The following NFKB1 variants were observed in gnomAD, a reference collection of about 807,000 sequenced individuals.
The protein encoded by NFKB1 is nuclear factor kappa B subunit 1, also known as nuclear factor NF-kappa-B p105 subunit.
Under a neutral mutation model 105.1 loss-of-function variants are expected in NFKB1, and 9 were observed. The observed-to-expected ratio is 0.09, with a 90% CI of 0.05 to 0.15. The LOEUF (loss-of-function observed/expected upper bound fraction) is 0.15. NFKB1 is among the 10% of genes least tolerant of loss of function. The probability of loss-of-function intolerance (pLI) is 1.00; values close to 1 mark genes in which losing one functional copy is unlikely to be tolerated. For missense variants in NFKB1, 830 were observed against 1,203.7 expected (o/e 0.69, Z 4.59); for synonymous variants, 440 against 442.2 (o/e 1.00, Z 0.06).
chr4:102,588,453 AT>A (rs1725896408), intron 11 of NFKB1, among the ~76,000 whole-genome samples: 3 of 152,070 alleles, frequency 2.0e-5, no homozygotes, highest in Admixed American at 6.6e-5. Flanking sequence ...GCAAAAAAAA[AT>A]AAAAAAAAAA....
intron 2 of NFKB1, 89 bp downstream of exon 2, chr4:102,525,646 G>A (rs1740861160): frequency 6.7e-6 from 8 of 1,202,986 alleles, no homozygotes; most frequent in Non-Finnish European, 9.4e-6. Flanking sequence ...TTAGCATTAG[G>A]AAAATTCTAA....
In NFKB1 at chr4:102,601,019, A is replaced by T. The variant is rs772681927; in HGVS notation, c.1752+10A>T. The T allele has an allele frequency of 2.0e-6, 3 of 1,477,016 alleles. No homozygotes were observed. In the East Asian group the frequency reaches 6.8e-5, roughly 33 times the overall value. 91.5% of individuals were successfully genotyped at this position (1,477,016 alleles called of 1,614,324 possible). Reference sequence around the variant, plus strand: ...AAATGATCTGTACCAGGTAAGCAGAAATCTCAAGAAAACAACTGAAGAAAA... The same window carrying T: ...AAATGATCTGTACCAGGTAAGCAGATATCTCAAGAAAACAACTGAAGAAAA... On this transcript the variant is annotated intron_variant, in intron 16 of 23. Coordinates refer to ENST00000226574, the MANE Select transcript of NFKB1 (RefSeq NM_003998.4).
chr4:102,612,085 T>G lies in NFKB1; in HGVS notation c.2394T>G (p.Phe798Leu). 6.2e-7 allele frequency: 1 copy of G among 1,614,112 alleles called. No individual in the cohort carries two copies. Among genetic ancestry groups the G allele is most frequent in the Middle Eastern group, 1.7e-4 (1 of 6,058 alleles). Reference sequence around the variant, plus strand: ...ATGGGAAACCATATGAGCCAGAGTTTACATCTGATGATTTACTAGCACAAG... The same window carrying G: ...ATGGGAAACCATATGAGCCAGAGTTGACATCTGATGATTTACTAGCACAAG... ...ILNGKPYEPE[F>L]TSDDLLAQGD... The change falls in exon 21 of 24, where the codon TTT (phenylalanine) becomes TTG (leucine). Residue 798 changes from phenylalanine (F) to leucine (L), a missense_variant. Coordinates refer to ENST00000226574, the MANE Select transcript of NFKB1 (RefSeq NM_003998.4).
At chr4:102,544,226 G>T (rs960707833) in intron 5 of NFKB1, among the ~76,000 whole-genome samples, 3 of 152,062 alleles carry the variant, frequency 2.0e-5, no homozygotes, top group Non-Finnish European at 4.4e-5. Flanking sequence ...TTAGCTTTTT[G>T]ATAGCAGCTA....
chr4:102,524,484 A>T (rs1192487272), intron 1 of NFKB1, among the ~76,000 whole-genome samples: 1 of 152,192 alleles, frequency 6.6e-6, no homozygotes, highest in Non-Finnish European at 1.5e-5. Context: ...CCTTTTTGGC[A>T]TCAGGGACCA....
chr4:102,542,205 G>T (rs146147170), intron 5 of NFKB1, among the ~76,000 whole-genome samples: 2 of 152,064 alleles, frequency 1.3e-5, no homozygotes, highest in East Asian at 1.9e-4. Flanking sequence ...ACCCTGTTTC[G>T]CATAGGTGTA....
chr4:102,519,567 T>C (rs1740434897), intron 1 of NFKB1, among the ~76,000 whole-genome samples: 2 of 152,036 alleles, frequency 1.3e-5, no homozygotes, highest in African/African-American at 4.8e-5. Flanking sequence ...GTGATTGCCT[T>C]GTGAATAACT....
chr4:102,566,862 T>TTA, intron 5 of NFKB1, 125 bp from the exon 6 acceptor site: 1 of 880,648 alleles, frequency 1.1e-6, no homozygotes, highest in East Asian at 2.7e-5. Context: ...AGGGCTGTAA[T>TTA]CATGTATATA....
At chr4:102,506,391 C>T (rs1739418179) in intron 1 of NFKB1, among the ~76,000 whole-genome samples, 1 of 152,112 alleles carries the variant, frequency 6.6e-6, no homozygotes, top group African/African-American at 2.4e-5. Context: ...TAGAATTAAA[C>T]ACCTATCACC....
At chr4:102,583,875 T>C (rs929296740) in intron 10 of NFKB1, among the ~76,000 whole-genome samples, 3 of 151,904 alleles carry the variant, frequency 2.0e-5, no homozygotes, top group Non-Finnish European at 4.4e-5. Flanking sequence ...TTTGATGAAA[T>C]ATCATGTAGT....
chr4:102,616,643 C>A lies in NFKB1; in HGVS notation c.*49C>A. On this transcript the variant is annotated 3_prime_UTR_variant, in exon 24 of 24. Transcript: ENST00000226574. ...TGTAAACCAAAGCCCTAAAATTCCA[C>A]TGCGTTGTCCACAAGACAGAAGCTG... 2 of 1,585,052 alleles carry A rather than the reference C, an allele frequency of 1.3e-6. No homozygotes were observed. Among genetic ancestry groups the A allele is most frequent in the Non-Finnish European group, 1.7e-6 (2 of 1,161,636 alleles).
chr4:102,509,210 C>A (rs1739620726), intron 1 of NFKB1, among the ~76,000 whole-genome samples: 1 of 152,164 alleles, frequency 6.6e-6, no homozygotes, highest in Admixed American at 6.5e-5. Context: ...GAGATAATGT[C>A]TTTATGGTGT....
intron 1 of NFKB1, among the ~76,000 whole-genome samples, chr4:102,523,715 C>A (rs1463587945): frequency 1.3e-5 from 2 of 152,190 alleles, no homozygotes; most frequent in African/African-American, 2.4e-5. Context: ...TATCTGCCAT[C>A]CCCTAGGCTA....
At chr4:102,587,157 C>T (rs1037277172) in intron 11 of NFKB1, among the ~76,000 whole-genome samples, 2 of 152,140 alleles carry the variant, frequency 1.3e-5, no homozygotes, top group African/African-American at 2.4e-5. Context: ...CTCGGCCTTC[C>T]GAGAGGCTGT....
At chr4:102,519,652 T>C (rs1169152283) in intron 1 of NFKB1, among the ~76,000 whole-genome samples, 1 of 152,138 alleles carries the variant, frequency 6.6e-6, no homozygotes, top group East Asian at 1.9e-4. Flanking sequence ...ACCAGAACAC[T>C]TGGGAGACCT....
At chr4:102,571,579 A>G (rs1724363240) in intron 6 of NFKB1, among the ~76,000 whole-genome samples, 1 of 152,244 alleles carries the variant, frequency 6.6e-6, no homozygotes. Flanking sequence ...TTTACAATGT[A>G]TCCATCTGAC....
rs747658024 is a variant in NFKB1, at chr4:102,567,090, A to G, written c.362A>G (p.Asp121Gly). ...AHSLVGKHCE[D>G]GICTVTAGPK... ...AGCCTGGTGGGAAAACACTGTGAGG[A>G]TGGGATCTGCACTGTAACTGCTGGA... Residue 121 changes from aspartate (D) to glycine (G), a missense_variant, in exon 6 of 24, where the codon GAT becomes GGT. Transcript: ENST00000226574. The G allele has an allele frequency of 2.5e-6, 4 of 1,613,870 alleles. No individual in the cohort carries two copies. Among genetic ancestry groups the G allele is most frequent in the African/African-American group, 2.7e-5 (2 of 74,908 alleles).
At chr4:102,527,904 T>C (rs1741028320) in intron 2 of NFKB1, among the ~76,000 whole-genome samples, 3 of 152,180 alleles carry the variant, frequency 2.0e-5, no homozygotes, top group Admixed American at 2.0e-4. Flanking sequence ...ACATTCATTT[T>C]GAAAGTTTTT....
intron 1 of NFKB1, among the ~76,000 whole-genome samples, chr4:102,514,826 C>T (rs1385715392): frequency 6.6e-6 from 1 of 152,064 alleles, no homozygotes; most frequent in Non-Finnish European, 1.5e-5. Flanking sequence ...CCCTTTGATT[C>T]TTATATGCAA....
Sources: gnomAD v4.1 joint callset for allele counts (sites outside exome capture counted in the v4.1 genomes callset) on GRCh38, gnomAD v4.1.1 for gene constraint, MANE v1.5 for transcripts, NCBI Gene and HGNC (gene_info 2026-07-23, HGNC 2026-07-21) for gene names.